The following SVOP variants were observed in gnomAD, a reference collection of about 807,000 sequenced individuals.
SVOP encodes the protein synaptic vesicle 2-related protein.
Under a neutral mutation model 69.1 loss-of-function variants are expected in SVOP, and 17 were observed. That is an observed-to-expected ratio of 0.25 (90% CI 0.17 to 0.37). The LOEUF is 0.37. Ranked by LOEUF, SVOP falls within the 10% of genes least tolerant of loss-of-function variation. SVOP has a pLI of 1.00. For missense variants in SVOP, 435 were observed against 597.5 expected, an observed-to-expected ratio of 0.73 and a Z score of 2.84; for synonymous variants, 238 against 238.6, an observed-to-expected ratio of 1.00 and a Z score of 0.02.
At chr12:108,949,137 A>T (rs1214832921) in intron 6 of SVOP, among the ~76,000 whole-genome samples, 1 of 152,180 alleles carries the variant, frequency 6.6e-6, no homozygotes, top group Non-Finnish European at 1.5e-5. Flanking sequence ...ATATGAATGC[A>T]ATCTCATTGT....
At chr12:108,915,899 A>G in intron 14 of SVOP, 27 bp from the exon 15 acceptor site, 3 of 1,560,240 alleles carry the variant, frequency 1.9e-6, no homozygotes, top group Non-Finnish European at 2.6e-6. Flanking sequence ...GGATATAGGC[A>G]TGGGGACATG....
intron 1 of SVOP, among the ~76,000 whole-genome samples, chr12:109,001,707 G>T (rs1416130594): frequency 6.8e-6 from 1 of 146,178 alleles, no homozygotes; most frequent in African/African-American, 2.5e-5. Context: ...AAGCAATGGG[G>T]AAAGGATTCC....
At chr12:108,959,158 C>G (rs1419669635) in intron 6 of SVOP, among the ~76,000 whole-genome samples, 1 of 152,060 alleles carries the variant, frequency 6.6e-6, no homozygotes, top group Admixed American at 6.6e-5. Flanking sequence ...CCCTGGTCCT[C>G]TTGCAAAATT....
chr12:108,940,736 A>C, intron 8 of SVOP, 48 bp downstream of exon 8: 1 of 1,525,668 alleles, frequency 6.6e-7, no homozygotes, highest in Non-Finnish European at 8.8e-7. Flanking sequence ...TAGAGTGGAC[A>C]GTAAGATGTC....
intron 15 of SVOP, among the ~76,000 whole-genome samples, chr12:108,915,135 T>C (rs572914594): frequency 7.0e-6 from 1 of 143,268 alleles, no homozygotes; most frequent in South Asian, 2.2e-4. Context: ...ATCACACCAC[T>C]GCACTCCAGC....
At chr12:108,972,595 T>A in intron 4 of SVOP, 119 bp from the exon 5 acceptor site, 1 of 1,050,558 alleles carries the variant, frequency 9.5e-7, no homozygotes, top group Non-Finnish European at 1.4e-6. Flanking sequence ...TAACATTCAC[T>A]GAGAGCCTGC....
chr12:108,981,822 A>G (rs1030284997), intron 2 of SVOP, among the ~76,000 whole-genome samples: 21 of 152,150 alleles, frequency 1.4e-4, no homozygotes, highest in Non-Finnish European at 2.8e-4. Context: ...CACCATTACT[A>G]TCACACTATC....
In SVOP at chr12:108,940,790, C is replaced by T; in HGVS notation, c.762G>A (p.Leu254=). 1 of 1,537,156 alleles carries T rather than the reference C, an allele frequency of 6.5e-7. No homozygotes were observed. The highest frequency in any genetic ancestry group is 8.7e-7 in the Non-Finnish European group (1 of 1,146,854). Residue 254 remains leucine (L), a synonymous_variant, in exon 8 of 16, where the codon CTG becomes CTA. Coordinates refer to ENST00000610966, the MANE Select transcript of SVOP (RefSeq NM_018711.5). The part of the protein sequence containing the change: ...SAVPLLLFAV[L]CFWLPESARY... ...TCTCTTAAAGGATACCTACGAAACA[C>T]AGCACGGCAAAGAGGAGGAGCGGGA...
At chr12:109,010,898 A>G (rs755772306) in intron 1 of SVOP, among the ~76,000 whole-genome samples, 3 of 151,304 alleles carry the variant, frequency 2.0e-5, no homozygotes, top group Non-Finnish European at 4.4e-5. Flanking sequence ...GGGTGTGAAC[A>G]GCTTTAAGTG....
At chr12:108,960,824 C>T in intron 6 of SVOP, 99 bp downstream of exon 6, 5 of 1,418,408 alleles carry the variant, frequency 3.5e-6, no homozygotes, top group Non-Finnish European at 3.7e-6. Context: ...TCTCTGCACC[C>T]CTGCTGCCCC....
Position 108,938,814 on chromosome 12 carries a change from T to C in SVOP, c.897+13A>G, listed in dbSNP as rs1467014788. ...ATACGCACATTGCAGAGTCTATTGGTCCAGGCACTGACCTGTCTGGAGATG... is the reference window on the plus strand; with the variant it reads ...ATACGCACATTGCAGAGTCTATTGGCCCAGGCACTGACCTGTCTGGAGATG... On this transcript the variant is annotated intron_variant, in intron 9 of 15. Transcript: ENST00000610966. 2 of 1,613,826 alleles carry C rather than the reference T, an allele frequency of 1.2e-6. No individual in the cohort carries two copies. Among genetic ancestry groups the C allele is most frequent in the African/African-American group, 1.3e-5 (1 of 74,914 alleles).
intron 6 of SVOP, among the ~76,000 whole-genome samples, chr12:108,950,537 C>T (rs910014185): frequency 4.6e-5 from 7 of 152,106 alleles, no homozygotes; most frequent in African/African-American, 1.7e-4. Flanking sequence ...TGTGCACCAC[C>T]ACACTTGGCT....
chr12:108,991,600 C>T (rs1187918837), intron 1 of SVOP, among the ~76,000 whole-genome samples: 2 of 151,954 alleles, frequency 1.3e-5, no homozygotes, highest in East Asian at 2.0e-4. Flanking sequence ...GGATTATAGG[C>T]ATGTGCCACC....
intron 1 of SVOP, among the ~76,000 whole-genome samples, chr12:109,004,208 C>T (rs2135624337): frequency 6.6e-6 from 1 of 152,242 alleles, no homozygotes; most frequent in South Asian, 2.1e-4. Flanking sequence ...GGCTCACAAT[C>T]TCTTGCCATT....
chr12:109,001,173 C>A (rs1328747107), intron 1 of SVOP, among the ~76,000 whole-genome samples: 1 of 63,170 alleles, frequency 1.6e-5, no homozygotes, highest in East Asian at 4.0e-4. Context: ...CAATAACAGA[C>A]AGAGAGCCAA....
chr12:108,981,275 AGAG>A (rs1438137465), intron 2 of SVOP, among the ~76,000 whole-genome samples: 1 of 152,228 alleles, frequency 6.6e-6, no homozygotes, highest in Non-Finnish European at 1.5e-5. Context: ...CCCATTTTAC[AGAG>A]GAGGATATGG....
At chr12:108,934,050 G>A in intron 11 of SVOP, 145 bp downstream of exon 11, 1 of 652,124 alleles carries the variant, frequency 1.5e-6, no homozygotes, top group South Asian at 2.2e-5. Context: ...GACTGTCCAG[G>A]TTTCTACAGA....
chr12:108,957,457 C>T lies in SVOP; in HGVS notation c.578+3466G>A, dbSNP rs566225122. On this transcript the variant is annotated intron_variant, in intron 6 of 15. Coordinates refer to ENST00000610966, the MANE Select transcript of SVOP (RefSeq NM_018711.5). ...GGGATTACAGACGTGAGCCACCGTG[C>T]CCGGACCCATTAGACTTTAAGCAAC... 3.2e-4 allele frequency among the ~76,000 whole-genome samples: 49 copies of T among 152,296 alleles called. No individual in the cohort carries two copies. In the South Asian group the frequency reaches 7.9e-3, roughly 24 times the overall value.
In SVOP at chr12:108,970,315, G is replaced by T. The variant is rs529331048; in HGVS notation, c.453+2090C>A. On this transcript the variant is annotated intron_variant, in intron 5 of 15. Transcript: ENST00000610966. ...GTGATGAGCAAACCATGTGGTCCTG[G>T]GTAAGTTGCCCACTCTCCGTGCCTC... Among the ~76,000 whole-genome samples, 157 of 152,256 alleles carry T rather than the reference G, an allele frequency of 1.0e-3. 4 individuals carry two copies. In the South Asian group the frequency reaches 0.02, roughly 20 times the overall value.
Sources: gnomAD v4.1 joint callset for allele counts (sites outside exome capture counted in the v4.1 genomes callset) on GRCh38, gnomAD v4.1.1 for gene constraint, MANE v1.5 for transcripts, NCBI Gene and HGNC (gene_info 2026-07-23, HGNC 2026-07-21) for gene names.